The following NLRC3 variants were observed in gnomAD, a reference collection of about 807,000 sequenced individuals.
NLRC3 encodes NLR family CARD domain containing 3, also known as NLR family CARD domain-containing protein 3.
Under a neutral mutation model 91.6 loss-of-function variants are expected in NLRC3, and 87 were observed. The ratio of observed to expected loss-of-function variants is 0.95; its 90% CI spans 0.80 to 1.14. NLRC3 has a LOEUF of 1.14. Among genes scored for constraint, NLRC3 ranks in the 50% most tolerant of loss-of-function variants. The probability of loss-of-function intolerance (pLI) is 0.00; values close to 1 mark genes in which losing one functional copy is unlikely to be tolerated. For missense variants in NLRC3, 1,577 were observed against 1,418.6 expected, an observed-to-expected ratio of 1.11 and a Z score of -1.79; for synonymous variants, 694 against 625.3, an observed-to-expected ratio of 1.11 and a Z score of -1.64.
In NLRC3 at chr16:3,549,696, C is replaced by A; in HGVS notation, c.2519+1G>T. 6.5e-7 allele frequency: 1 copy of A among 1,550,240 alleles called. No homozygotes were observed. The highest frequency in any genetic ancestry group is 8.7e-7 in the Non-Finnish European group (1 of 1,145,792). On this transcript the variant is annotated splice_donor_variant, in intron 12 of 19. Coordinates refer to ENST00000359128, the MANE Select transcript of NLRC3 (RefSeq NM_178844.4). LOFTEE classifies it high-confidence loss of function. ...GTTTGGAGAGGGTGGCCAGGACTTA[C>A]CTGAGGCTGAGGAGGGTCTGGTTGG...
chr16:3,573,100 T>C (rs1251876745), intron 1 of NLRC3, among the ~76,000 whole-genome samples: 1 of 150,480 alleles, frequency 6.6e-6, no homozygotes, highest in African/African-American at 2.5e-5. Flanking sequence ...AAAACATTAC[T>C]GAGAGAAATT....
chr16:3,577,148 C>T lies in NLRC3; in HGVS notation c.-169+1G>A. 1.4e-6 allele frequency: 1 copy of T among 703,084 alleles called. No homozygotes were observed. The highest frequency in any genetic ancestry group is 2.0e-5 in the Admixed American group (1 of 50,010). 43.6% of individuals were successfully genotyped at this position (703,084 alleles called of 1,614,324 possible). A position where few individuals can be genotyped will look rare whatever the true frequency, so the allele number is the denominator to read the frequency against. On this transcript the variant is annotated splice_donor_variant, in intron 1 of 19. Coordinates refer to ENST00000359128, the MANE Select transcript of NLRC3 (RefSeq NM_178844.4). LOFTEE classifies it low-confidence loss of function (5UTR_SPLICE). ...ACTGAGGTCACCTGGACCCAACTTACCTCCCGGGCCTCGATGCTGCTCCAG... is the reference window on the plus strand; with the variant it reads ...ACTGAGGTCACCTGGACCCAACTTATCTCCCGGGCCTCGATGCTGCTCCAG...
chr16:3,544,260 G>A lies in NLRC3; in HGVS notation c.2841C>T (p.Ala947=). Residue 947 remains alanine, a synonymous_variant, in exon 16 of 20, where the codon GCC becomes GCT. Coordinates refer to ENST00000359128, the MANE Select transcript of NLRC3 (RefSeq NM_178844.4). ...CTAGGACTTACTAGAGAGCAGTGAGGGCTGTGTTGACCTTCAGTGCACGGG... is the reference window on the plus strand; with the variant it reads ...CTAGGACTTACTAGAGAGCAGTGAGAGCTGTGTTGACCTTCAGTGCACGGG... ...AVARALKVNT[A]LTALYLQVAS... 1 of 1,608,760 alleles carries A rather than the reference G, an allele frequency of 6.2e-7. No individual in the cohort carries two copies. Among genetic ancestry groups the A allele is most frequent in the Non-Finnish European group, 8.5e-7 (1 of 1,175,172 alleles).
intron 13 of NLRC3, 57 bp downstream of exon 13, chr16:3,549,085 G>T: frequency 7.6e-7 from 1 of 1,321,590 alleles, no homozygotes; most frequent in South Asian, 1.3e-5. Flanking sequence ...CCCAGGCTCG[G>T]TGTGGGTGTG....
chr16:3,564,904 C>T lies in NLRC3; in HGVS notation c.133G>A (p.Ala45Thr), dbSNP rs1289465305. 2 of 1,609,928 alleles carry T rather than the reference C, an allele frequency of 1.2e-6. No homozygotes were observed. Among genetic ancestry groups the T allele is most frequent in the Non-Finnish European group, 1.7e-6 (2 of 1,179,646 alleles). ...GGGGCATCCGGTGTCCTATCCAGGGCCTGCGGGGCCTGGGAGCCTTGACTG... is the reference window on the plus strand; with the variant it reads ...GGGGCATCCGGTGTCCTATCCAGGGTCTGCGGGGCCTGGGAGCCTTGACTG... ...KGSQGSQAPQ[A>T]LDRTPDAPLG... Residue 45 changes from alanine (A) to threonine (T), a missense_variant, in exon 4 of 20, where the codon GCC becomes ACC. Physicochemically the swap from Ala to Thr is moderately conservative, Grantham distance 58. Coordinates refer to ENST00000359128, the MANE Select transcript of NLRC3 (RefSeq NM_178844.4). This position sits in a 1 kb window ranked among gnomAD's most constrained non-coding sequence, Gnocchi z 5.9.
At chr16:3,573,861 C>T (rs187347405) in intron 1 of NLRC3, among the ~76,000 whole-genome samples, 1 of 152,158 alleles carries the variant, frequency 6.6e-6, no homozygotes, top group East Asian at 1.9e-4. Context: ...CTTTGTTGCC[C>T]AGGCTGGAGT....
chr16:3,556,921 T>C lies in NLRC3; in HGVS notation c.2173A>G (p.Thr725Ala), dbSNP rs1357398475. 3.7e-6 allele frequency: 6 copies of C among 1,611,820 alleles called. No homozygotes were observed. The Admixed American group carries it at 1.0e-4, about 27-fold the overall frequency. ...GCAGGTGACACACACCTCAGGGAGG[T>C]CAGGGTGCGGTTGATCTTCAAAGCG... is the stretch of plus-strand genomic sequence containing the variant. ...ADALKINRTL[T>A]SLSLQGNTVR... The change falls in exon 8 of 20, where the codon ACC (threonine) becomes GCC (alanine). Residue 725 changes from threonine (T) to alanine (A), a missense_variant. Coordinates refer to ENST00000359128, the MANE Select transcript of NLRC3 (RefSeq NM_178844.4).
At chr16:3,554,391 C>G (rs2039184008) in intron 8 of NLRC3, 66 bp from the exon 9 acceptor site, 20 of 1,225,422 alleles carry the variant, frequency 1.6e-5, no homozygotes, top group South Asian at 3.7e-5. Context: ...TCTGAACTCT[C>G]TCTGCAGTGG....
intron 15 of NLRC3, among the ~76,000 whole-genome samples, chr16:3,547,237 G>A (rs2038736797): frequency 6.6e-6 from 1 of 152,204 alleles, no homozygotes; most frequent in Non-Finnish European, 1.5e-5. Context: ...TATTGAGACA[G>A]GCTACAATGT....
At chr16:3,551,619 C>T (rs2039008846) in intron 10 of NLRC3, among the ~76,000 whole-genome samples, 1 of 151,638 alleles carries the variant, frequency 6.6e-6, no homozygotes, top group Non-Finnish European at 1.5e-5. Context: ...ATCCATCCAT[C>T]CATCCATCCA....
At chr16:3,554,592 C>T (rs2039199378) in intron 8 of NLRC3, among the ~76,000 whole-genome samples, 2 of 152,198 alleles carry the variant, frequency 1.3e-5, no homozygotes, top group Admixed American at 6.5e-5. Flanking sequence ...ATCAATTGCC[C>T]TCATTACAGC....
At chr16:3,543,982 C>G in intron 16 of NLRC3, 1 of 438,166 alleles carries the variant, frequency 2.3e-6, no homozygotes, top group Non-Finnish European at 4.1e-6. Flanking sequence ...GGTGAAACCC[C>G]GTCTCTACTA....
At chr16:3,559,064 G>A (rs1015022787) in intron 6 of NLRC3, among the ~76,000 whole-genome samples, 2 of 152,128 alleles carry the variant, frequency 1.3e-5, no homozygotes, top group East Asian at 3.8e-4. Flanking sequence ...GAGCCACCGT[G>A]CCCAGCCTGG....
chr16:3,546,160 G>T (rs1247627274), intron 15 of NLRC3, among the ~76,000 whole-genome samples: 3 of 152,198 alleles, frequency 2.0e-5, no homozygotes, highest in African/African-American at 7.2e-5. Context: ...GACTTTGGGA[G>T]GCCAAGGTGG....
chr16:3,552,975 C>T (rs182689259), intron 9 of NLRC3, among the ~76,000 whole-genome samples: 46 of 152,162 alleles, frequency 3.0e-4, no homozygotes, highest in East Asian at 7.7e-4. Context: ...CTAGGAAGAC[C>T]CTGGCTTAGG....
At chr16:3,556,284 T>TTGCACCACTGCA (rs2039315840) in intron 8 of NLRC3, among the ~76,000 whole-genome samples, 1 of 114,708 alleles carries the variant, frequency 8.7e-6, no homozygotes, top group African/African-American at 3.3e-5. Flanking sequence ...TGAGACAAGA[T>TTGCACCACTGCA]CTCCAGCCTG....
chr16:3,567,356 G>A (rs1024328556), intron 1 of NLRC3, 32 bp from the exon 2 acceptor site: 1 of 152,232 alleles, frequency 6.6e-6, no homozygotes, highest in African/African-American at 2.4e-5. Flanking sequence ...GGCCAGCAGA[G>A]GTGATGGCTC....
chr16:3,547,476 A>G, intron 15 of NLRC3, among the ~76,000 whole-genome samples: 1 of 151,366 alleles, frequency 6.6e-6, no homozygotes, highest in Admixed American at 6.6e-5. Flanking sequence ...GATTGTGATG[A>G]TTGCATCACC....
At chr16:3,543,546 G>A (rs1218437841) in intron 16 of NLRC3, 38 bp from the exon 17 acceptor site, 3 of 1,443,846 alleles carry the variant, frequency 2.1e-6, no homozygotes, top group Non-Finnish European at 2.9e-6. Flanking sequence ...GAGCCGGCTG[G>A]GCCCACCTCC....
Sources: allele counts gnomAD v4.1 joint callset (sites outside exome capture counted in the v4.1 genomes callset), GRCh38; gene constraint gnomAD v4.1.1; non-coding constraint Gnocchi (gnomAD v3.1); transcripts MANE v1.5; gene names NCBI Gene and HGNC (gene_info 2026-07-23, HGNC 2026-07-21).